The following STK11IP variants were observed in gnomAD, a reference collection of about 807,000 sequenced individuals.
The protein encoded by STK11IP is serine/threonine kinase 11 interacting protein.
STK11IP carries 103 observed loss-of-function variants against 131.7 expected under a neutral mutation model. That is an observed-to-expected ratio of 0.78 (90% CI 0.67 to 0.92). The LOEUF is 0.92. Ranked by LOEUF, STK11IP falls within the 40% of genes least tolerant of loss-of-function variation. The probability of loss-of-function intolerance (pLI) is 0.00; values close to 1 mark genes in which losing one functional copy is unlikely to be tolerated. For synonymous variants in STK11IP, 557 were observed against 575.6 expected (o/e 0.97, Z 0.46); for missense variants, 1,315 against 1,385.7 (o/e 0.95, Z 0.81).
rs745597239 is a variant in STK11IP, at chr2:219,615,219, G to A, written c.2995G>A (p.Val999Met). 6 of 1,596,088 alleles carry A rather than the reference G, an allele frequency of 3.8e-6. No individual in the cohort carries two copies. The highest frequency in any genetic ancestry group is 5.1e-6 in the Non-Finnish European group (6 of 1,175,274). The stretch of plus-strand genomic sequence containing the variant: ...AGCATCTGGCGAAGCCTCTGAGAAG[G>A]TGCCTCCCTCGGGGCCGGGCCCTGC... ...PAASGEASEK[V>M]PPSGPGPAVR... Residue 999 changes from valine to methionine, a missense_variant, in exon 24 of 25, where the codon GTG becomes ATG. Val to Met is a conservative substitution (Grantham distance 21). Transcript: ENST00000456909.
In STK11IP at chr2:219,598,142, C is replaced by A. The variant is rs756461760; in HGVS notation, c.23C>A (p.Ser8Tyr). The A allele has an allele frequency of 1.7e-5, 27 of 1,587,494 alleles. No individual in the cohort carries two copies. Among genetic ancestry groups the A allele is most frequent in the Non-Finnish European group, 2.2e-5 (26 of 1,167,218 alleles). ...GCCATGACGACCGCTCAGAGGGACT[C>A]CCTGTTGTGGAAGCTCGCGGGGTTG... Reference protein sequence around the residue: MTTAQRDSLLWKLAGLLR... With the variant: MTTAQRDYLLWKLAGLLR... The change falls in exon 2 of 25, where the codon TCC (serine) becomes TAC (tyrosine). Residue 8 changes from serine (S) to tyrosine (Y), a missense_variant. By Grantham distance (144) the Ser-to-Tyr change is moderately radical. Transcript: ENST00000456909.
chr2:219,614,910 T>A, intron 23 of STK11IP, 184 bp from the exon 24 acceptor site: 1 of 702,476 alleles, frequency 1.4e-6, no homozygotes, highest in Non-Finnish European at 2.3e-6. Context: ...GCCTCAGAGG[T>A]ATTCCAGAGT....
At chr2:219,614,389 C>A in intron 22 of STK11IP, 87 bp from the exon 23 acceptor site, 1 of 1,537,004 alleles carries the variant, frequency 6.5e-7, no homozygotes, top group African/African-American at 1.4e-5. Flanking sequence ...CCTCCCAACC[C>A]CCTGCAGGGC....
chr2:219,614,439 C>A (rs1477107286), intron 22 of STK11IP, 37 bp from the exon 23 acceptor site: 5 of 1,608,846 alleles, frequency 3.1e-6, no homozygotes, highest in Non-Finnish European at 3.4e-6. Flanking sequence ...TTCCCACCCG[C>A]TAGCTGATCT....
intron 2 of STK11IP, among the ~76,000 whole-genome samples, chr2:219,599,377 C>A (rs533566614): frequency 5.6e-4 from 86 of 152,246 alleles, no homozygotes; most frequent in Non-Finnish European, 9.8e-4. Context: ...TCGTGAGCCA[C>A]AGCACCTGGC....
chr2:219,598,057 C>A (rs1697850055), intron 1 of STK11IP, 37 bp from the exon 2 acceptor site: 4 of 1,566,398 alleles, frequency 2.6e-6, no homozygotes, highest in Non-Finnish European at 3.5e-6. Context: ...CACTACCGCC[C>A]ACCTGAGGCT....
In STK11IP at chr2:219,598,176, G is replaced by C. The variant is rs1243571199; in HGVS notation, c.57G>C (p.Glu19Asp). Residue 19 changes from glutamate (E) to aspartate (D), a missense_variant, in exon 2 of 25, where the codon GAG becomes GAC. Physicochemically the swap from Glu to Asp is conservative, Grantham distance 45 (BLOSUM62 2). Coordinates refer to ENST00000456909, the MANE Select transcript of STK11IP (RefSeq NM_052902.4). Reference sequence around the variant, plus strand: ...GGAAGCTCGCGGGGTTGCTGCGGGAGTCCGGTGAGTGGACTTCCGGTTGGG... The same window carrying C: ...GGAAGCTCGCGGGGTTGCTGCGGGACTCCGGTGAGTGGACTTCCGGTTGGG... Reference protein sequence around the residue: ...LLWKLAGLLRESGDVVLSGCS... With the variant: ...LLWKLAGLLRDSGDVVLSGCS... 8 of 1,556,606 alleles carry C rather than the reference G, an allele frequency of 5.1e-6. No homozygotes were observed. The South Asian group carries it at 8.3e-5, about 16-fold the overall frequency.
chr2:219,607,118 T>C lies in STK11IP; in HGVS notation c.1200T>C (p.Thr400=), dbSNP rs1244996646. The change falls in exon 13 of 25, where the codon ACT becomes ACC. Residue 400 remains threonine, a synonymous_variant. Transcript: ENST00000456909. ...EPSDTDPEPR[T]LNPSPAGWFV... is the part of the protein sequence containing the mutation. ...GTGATACGGACCCGGAGCCCCGAAC[T>C]CTGAACCCCTCTCCGGCTGGTAAGT... 6.2e-7 allele frequency: 1 copy of C among 1,613,910 alleles called. No homozygotes were observed. The highest frequency in any genetic ancestry group is 8.5e-7 in the Non-Finnish European group (1 of 1,179,880).
chr2:219,615,487 G>A, intron 24 of STK11IP, 146 bp downstream of exon 24: 1 of 1,126,424 alleles, frequency 8.9e-7, no homozygotes, highest in Admixed American at 2.7e-5. Context: ...TAGGGTTGGA[G>A]GAACTGGGGG....
Position 219,616,180 on chromosome 2 carries a change from C to A in STK11IP, c.3254C>A (p.Ala1085Asp). 1 of 1,613,356 alleles carries A rather than the reference C, an allele frequency of 6.2e-7. No individual in the cohort carries two copies. The highest frequency in any genetic ancestry group is 8.5e-7 in the Non-Finnish European group (1 of 1,179,756). The change falls in exon 25 of 25, where the codon GCC becomes GAC. Residue 1085 changes from alanine to aspartate, a missense_variant. By Grantham distance (126) the Ala-to-Asp change is moderately radical. Coordinates refer to ENST00000456909, the MANE Select transcript of STK11IP (RefSeq NM_052902.4). ...GLRTVIQEAL[A>D]LDR is the part of the protein sequence containing the mutation. ...CGGACAGTGATCCAAGAGGCGCTGG[C>A]CCTTGACCGATGAGGGTCCCACGCT...
Position 219,601,664 on chromosome 2 carries a change from C to T in STK11IP, c.291C>T (p.Gly97=). ...AGCTGGTCCATGTTGCTGGTCCTGG[C>T]CCCACAGGGCCCATCAAGATTTTCC... ...SLKLVHVAGP[G]PTGPIKIFPF... Residue 97 remains glycine (G), a synonymous_variant, in exon 4 of 25, where the codon GGC becomes GGT. Transcript: ENST00000456909. 2 of 1,597,884 alleles carry T rather than the reference C, an allele frequency of 1.3e-6. No homozygotes were observed. Among genetic ancestry groups the T allele is most frequent in the East Asian group, 2.3e-5 (1 of 44,322 alleles).
chr2:219,602,642 G>C, intron 6 of STK11IP, 63 bp from the exon 7 acceptor site: 1 of 1,611,484 alleles, frequency 6.2e-7, no homozygotes. Context: ...AGGAGGGCCA[G>C]CTGGTTGACC....
At chr2:219,611,480 G>GC in intron 17 of STK11IP, 124 bp from the exon 18 acceptor site, 3 of 800,158 alleles carry the variant, frequency 3.7e-6, no homozygotes, top group South Asian at 1.5e-5. Context: ...CGCGGTGGTT[G>GC]TGTATGAAGC....
chr2:219,599,024 C>T (rs768023336), intron 2 of STK11IP, among the ~76,000 whole-genome samples: 16 of 152,148 alleles, frequency 1.1e-4, no homozygotes, highest in Non-Finnish European at 2.2e-4. Context: ...TGTTAGCTGT[C>T]CTCCATCACT....
intron 21 of STK11IP, 31 bp downstream of exon 21, chr2:219,613,961 G>A (rs768720650): frequency 4.0e-6 from 6 of 1,506,224 alleles, no homozygotes; most frequent in Non-Finnish European, 5.4e-6. Context: ...GCAGGAGGGT[G>A]GGCAGGAGGG....
intron 2 of STK11IP, 41 bp from the exon 3 acceptor site, chr2:219,601,194 T>C (rs752504326): frequency 2.5e-5 from 39 of 1,548,168 alleles, no homozygotes; most frequent in South Asian, 8.2e-5. Flanking sequence ...AGAAAAATCT[T>C]TTCACTGTGT....
intron 21 of STK11IP, 40 bp downstream of exon 21, chr2:219,613,970 G>A (rs750929092): frequency 2.7e-6 from 4 of 1,490,254 alleles, no homozygotes; most frequent in East Asian, 4.8e-5. Context: ...TGGGCAGGAG[G>A]GTGGGCAGGG....
Position 219,612,111 on chromosome 2 carries a change from G to A in STK11IP, c.2439+53G>A, listed in dbSNP as rs1021219727. The A allele has an allele frequency of 1.3e-5, 19 of 1,506,146 alleles. No homozygotes were observed. In the Middle Eastern group the frequency reaches 5.4e-4, roughly 43 times the overall value. The allele number at this position is 1,506,146 out of a possible 1,614,324, so 93.3% of individuals were successfully genotyped here. On this transcript the variant is annotated intron_variant, in intron 19 of 24. Coordinates refer to ENST00000456909, the MANE Select transcript of STK11IP (RefSeq NM_052902.4). ...CCCCAGCTGTCCAGGGTGCCCACTC[G>A]TTTCCATCACAGCCAACTGAGTCAG... is the stretch of plus-strand genomic sequence containing the variant.
intron 17 of STK11IP, 160 bp downstream of exon 17, chr2:219,609,700 C>T: frequency 1.3e-6 from 1 of 781,158 alleles, no homozygotes; most frequent in Non-Finnish European, 2.0e-6. Flanking sequence ...CTGCCTGCTG[C>T]ATTTACAAAA....
Sources: allele counts gnomAD v4.1 joint callset (sites outside exome capture counted in the v4.1 genomes callset), GRCh38; gene constraint gnomAD v4.1.1; transcripts MANE v1.5; gene names NCBI Gene and HGNC (gene_info 2026-07-23, HGNC 2026-07-21).